The following GRAMD2B variants were observed in gnomAD, a reference collection of about 807,000 sequenced individuals.
The protein encoded by GRAMD2B is GRAM domain containing 2B.
A neutral mutation model predicts 59.2 loss-of-function variants in GRAMD2B; 41 were observed. The ratio of observed to expected loss-of-function variants is 0.69; its 90% CI spans 0.54 to 0.90. GRAMD2B has a LOEUF of 0.90. Ranked by LOEUF, GRAMD2B falls within the 40% of genes least tolerant of loss-of-function variation. GRAMD2B has a pLI of 0.00. For synonymous variants in GRAMD2B, 161 were observed against 182.7 expected (o/e 0.88, Z 0.96); for missense variants, 424 against 500.5 (o/e 0.85, Z 1.46).
intron 1 of GRAMD2B, among the ~76,000 whole-genome samples, chr5:126,400,903 G>A (rs1757777520): frequency 6.6e-6 from 1 of 151,978 alleles, no homozygotes; most frequent in Non-Finnish European, 1.5e-5. Context: ...TGATCATAAT[G>A]TGTCTCCATA....
chr5:126,482,965 A>G (rs1327703301), intron 8 of GRAMD2B, among the ~76,000 whole-genome samples: 1 of 152,220 alleles, frequency 6.6e-6, no homozygotes, highest in African/African-American at 2.4e-5. Flanking sequence ...GGGAGAAAAA[A>G]AGCTTAAACT....
intron 1 of GRAMD2B, among the ~76,000 whole-genome samples, chr5:126,405,258 G>A (rs887152647): frequency 7.2e-5 from 11 of 151,816 alleles, no homozygotes; most frequent in African/African-American, 2.7e-4. Context: ...CAAACAAATG[G>A]GATTGATGAC....
At chr5:126,421,415 G>A (rs1268979181), upstream of GRAMD2B, among the ~76,000 whole-genome samples, 4 of 152,098 alleles carry the variant, frequency 2.6e-5, no homozygotes, top group Admixed American at 2.6e-4. Context: ...TCTGAGGAGG[G>A]TGGGGATCTA....
At chr5:126,426,714 C>T (rs1039623317) in intron 1 of GRAMD2B, among the ~76,000 whole-genome samples, 5 of 152,136 alleles carry the variant, frequency 3.3e-5, no homozygotes, top group Admixed American at 3.3e-4. Context: ...CTGTAATACG[C>T]TTGTAGCTGA....
intron 1 of GRAMD2B, among the ~76,000 whole-genome samples, chr5:126,395,407 T>C (rs140609743): frequency 2.6e-5 from 4 of 152,290 alleles, no homozygotes; most frequent in African/African-American, 9.6e-5. Flanking sequence ...TGCTGTCTTG[T>C]GGATGAAAGC....
intron 1 of GRAMD2B, among the ~76,000 whole-genome samples, chr5:126,373,751 C>T (rs912585067): frequency 1.3e-5 from 2 of 152,164 alleles, no homozygotes; most frequent in Non-Finnish European, 2.9e-5. Context: ...AAGTAAAGGA[C>T]TCTCCAAGGA....
Position 126,467,431 on chromosome 5 carries a change from A to G in GRAMD2B, c.203+1886A>G, listed in dbSNP as rs554195290. On this transcript the variant is annotated intron_variant, in intron 2 of 13. Coordinates refer to ENST00000285689, the MANE Select transcript of GRAMD2B (RefSeq NM_023927.4). The stretch of plus-strand genomic sequence containing the variant: ...AGACCCAAAGAAATCCATATTGTAT[A>G]CATACATACCCTGTCCACAGGGGCC... The G allele has an allele frequency of 3.3e-5, 5 of 152,242 alleles. No individual in the cohort carries two copies. The South Asian group carries it at 8.3e-4, about 25-fold the overall frequency. 9.4% of individuals were successfully genotyped at this position (152,242 alleles called of 1,614,324 possible). A position where few individuals can be genotyped will look rare whatever the true frequency, so the allele number is the denominator to read the frequency against.
intron 1 of GRAMD2B, among the ~76,000 whole-genome samples, chr5:126,386,999 C>A (rs1756205562): frequency 6.6e-6 from 1 of 151,958 alleles, no homozygotes; most frequent in African/African-American, 2.4e-5. Context: ...CTAGTGAGAG[C>A]CAAACAAAGG....
At chr5:126,480,318 A>T (rs1208050906) in intron 6 of GRAMD2B, 138 bp from the exon 7 acceptor site, 1 of 594,178 alleles carries the variant, frequency 1.7e-6, no homozygotes, top group Non-Finnish European at 3.0e-6. Context: ...TTTGAGTGAG[A>T]GGAATGAGAA....
chr5:126,398,018 A>ATTT (rs70994864), intron 1 of GRAMD2B, among the ~76,000 whole-genome samples: 14 of 72,444 alleles, frequency 1.9e-4, no homozygotes, highest in Admixed American at 8.3e-4. Context: ...TTGTTGGGAG[A>ATTT]TTTTTTTTTT....
At chr5:126,466,191 C>T in intron 2 of GRAMD2B, 7 of 1,512,752 alleles carry the variant, frequency 4.6e-6, no homozygotes, top group Non-Finnish European at 6.2e-6. Context: ...TCATTGTGGT[C>T]CTTCACCATT....
intron 1 of GRAMD2B, among the ~76,000 whole-genome samples, chr5:126,461,628 C>T (rs1345242492): frequency 6.6e-6 from 1 of 152,060 alleles, no homozygotes; most frequent in Non-Finnish European, 1.5e-5. Flanking sequence ...AGCGAAACCC[C>T]GTCTCTACTA....
At chr5:126,463,131 G>A (rs1767669766) in intron 1 of GRAMD2B, among the ~76,000 whole-genome samples, 1 of 152,170 alleles carries the variant, frequency 6.6e-6, no homozygotes, top group African/African-American at 2.4e-5. Context: ...CCTTGGTGCT[G>A]GGCTGTTTCT....
intron 1 of GRAMD2B, among the ~76,000 whole-genome samples, chr5:126,456,935 G>A (rs1011489216): frequency 2.0e-5 from 3 of 151,812 alleles, no homozygotes; most frequent in Admixed American, 6.6e-5. Flanking sequence ...GCTCACGCCT[G>A]TAATCCCAGC....
intron 1 of GRAMD2B, among the ~76,000 whole-genome samples, chr5:126,398,309 T>C (rs745486359): frequency 2.0e-5 from 3 of 152,118 alleles, no homozygotes; most frequent in South Asian, 2.1e-4. Context: ...AATCTCCTTA[T>C]TTGCTAGTGG....
intron 13 of GRAMD2B, among the ~76,000 whole-genome samples, chr5:126,492,365 C>G (rs1274291717): frequency 6.6e-6 from 1 of 151,862 alleles, no homozygotes; most frequent in African/African-American, 2.4e-5. Context: ...TCTCTACTGA[C>G]ATTTTCATCT....
At chr5:126,404,952 C>T (rs911007874) in intron 1 of GRAMD2B, among the ~76,000 whole-genome samples, 2 of 152,072 alleles carry the variant, frequency 1.3e-5, no homozygotes, top group South Asian at 4.1e-4. Context: ...ATCACAACCA[C>T]TCTTTCATTT....
chr5:126,398,119 G>A (rs1757527092), intron 1 of GRAMD2B, among the ~76,000 whole-genome samples: 1 of 149,136 alleles, frequency 6.7e-6, no homozygotes, highest in South Asian at 2.1e-4. Context: ...AACCTTCCAG[G>A]CTCAAGTGAT....
intron 5 of GRAMD2B, 37 bp from the exon 6 acceptor site, chr5:126,477,655 A>C (rs1204971032): frequency 9.1e-7 from 1 of 1,094,406 alleles, no homozygotes; most frequent in Non-Finnish European, 1.4e-6. Context: ...TGTTCTGTCA[A>C]GTCTGAACTG....
Sources: allele counts gnomAD v4.1 joint callset (sites outside exome capture counted in the v4.1 genomes callset), GRCh38; gene constraint gnomAD v4.1.1; transcripts MANE v1.5; gene names NCBI Gene and HGNC (gene_info 2026-07-23, HGNC 2026-07-21).